Variants in SULT1B1 observed in about 807,000 individuals in gnomAD.
SULT1B1 encodes the protein sulfotransferase family 1B member 1.
SULT1B1 carries 28 observed loss-of-function variants against 34.6 expected under a neutral mutation model. The observed-to-expected ratio is 0.81, with a 90% CI of 0.60 to 1.11. SULT1B1 has a LOEUF of 1.11. Among genes scored for constraint, SULT1B1 ranks in the 50% least tolerant of loss-of-function variants. SULT1B1 has a pLI of 0.00. For synonymous variants in SULT1B1, 147 were observed against 110.2 expected (o/e 1.33, Z -2.09); for missense variants, 374 against 352.2 (o/e 1.06, Z -0.50).
intron 4 of SULT1B1, among the ~76,000 whole-genome samples, chr4:69,742,943 G>A (rs1718607831): frequency 6.6e-6 from 1 of 152,228 alleles, no homozygotes; most frequent in African/African-American, 2.4e-5. Context: ...AACTTCCACA[G>A]CTGATACCGA....
chr4:69,749,889 C>T (rs887055852), intron 3 of SULT1B1, 71 bp from the exon 4 acceptor site: 1 of 1,178,904 alleles, frequency 8.5e-7, no homozygotes, highest in Non-Finnish European at 1.3e-6. Flanking sequence ...ATTTTGCCAA[C>T]CAGTTTTTCA....
intron 4 of SULT1B1, among the ~76,000 whole-genome samples, chr4:69,741,747 G>C (rs950995296): frequency 4.6e-5 from 7 of 152,178 alleles, no homozygotes; most frequent in Non-Finnish European, 8.8e-5. Context: ...CTGAAAGTTT[G>C]CTGAAGTTGC....
intron 7 of SULT1B1, among the ~76,000 whole-genome samples, chr4:69,730,206 G>C (rs1267984060): frequency 6.6e-6 from 1 of 152,138 alleles, no homozygotes; most frequent in African/African-American, 2.4e-5. Flanking sequence ...AGATTGAAGG[G>C]AGTAAGAATG....
intron 6 of SULT1B1, 102 bp downstream of exon 6, chr4:69,733,311 C>A: frequency 1.4e-6 from 1 of 700,818 alleles, no homozygotes; most frequent in South Asian, 2.9e-5. Context: ...GCAAAGCAAT[C>A]ATCATTTTGG....
intron 4 of SULT1B1, among the ~76,000 whole-genome samples, chr4:69,748,769 G>A (rs1267007466): frequency 2.0e-5 from 3 of 152,094 alleles, no homozygotes; most frequent in Non-Finnish European, 4.4e-5. Context: ...TGCAGTAAAT[G>A]AGGAAATTTC....
intron 7 of SULT1B1, among the ~76,000 whole-genome samples, chr4:69,728,504 T>C (rs1287313198): frequency 2.0e-5 from 3 of 152,100 alleles, no homozygotes; most frequent in Non-Finnish European, 4.4e-5. Context: ...TGTGAGCTTC[T>C]TGAGTCAAAG....
Position 69,733,432 on chromosome 4 carries a change from T to C in SULT1B1, c.578A>G (p.Tyr193Cys), listed in dbSNP as rs1381988717. 6.2e-7 allele frequency: 1 copy of C among 1,606,942 alleles called. No individual in the cohort carries two copies. The highest frequency in any genetic ancestry group is 1.1e-5 in the South Asian group (1 of 89,866). The change falls in exon 6 of 8, where the codon TAC (tyrosine) becomes TGC (cysteine). Residue 193 changes from tyrosine (Y) to cysteine (C), a missense_variant. Coordinates refer to ENST00000310613, the MANE Select transcript of SULT1B1 (RefSeq NM_014465.4). The stretch of plus-strand genomic sequence containing the variant: ...TTTTACCTCTTTCATATCTTCATAG[T>C]ACAAAAAAAGTATTGGGTGTTCTTC... ...KKEEHPILFL[Y>C]YEDMKENPKE...
rs1717937523 is a variant in SULT1B1, at chr4:69,728,689, A to G, written c.779-1489T>C. ...GGAAGGAAGGAAGGAAGGTCAAACT[A>G]TTTAGACTAATAATGCTTTTTACTT... On this transcript the variant is annotated intron_variant, in intron 7 of 7. Coordinates refer to ENST00000310613, the MANE Select transcript of SULT1B1 (RefSeq NM_014465.4). Among the ~76,000 whole-genome samples, 4 of 151,956 alleles carry G rather than the reference A, an allele frequency of 2.6e-5. No homozygotes were observed. The South Asian group carries it at 8.3e-4, about 31-fold the overall frequency.
chr4:69,739,619 G>T (rs1372823176), intron 4 of SULT1B1, among the ~76,000 whole-genome samples: 1 of 152,186 alleles, frequency 6.6e-6, no homozygotes, highest in Non-Finnish European at 1.5e-5. Flanking sequence ...TACTGCAAAG[G>T]TCTCTGACAT....
chr4:69,726,974 G>A lies in SULT1B1; in HGVS notation c.*114C>T. The A allele has an allele frequency of 4.7e-6, 3 of 633,670 alleles. No homozygotes were observed. The highest frequency in any genetic ancestry group is 3.0e-5 in the South Asian group (1 of 33,678). The allele number at this position is 633,670 out of a possible 1,614,324, so 39.3% of individuals were successfully genotyped here. A position where few individuals can be genotyped will look rare whatever the true frequency, so the allele number is the denominator to read the frequency against. The stretch of plus-strand genomic sequence containing the variant: ...ATTGAAAAGAATCAACATATTAAAA[G>A]CATATTATTCTCCTTTATAAATTCA... On this transcript the variant is annotated 3_prime_UTR_variant, in exon 8 of 8. Coordinates refer to ENST00000310613, the MANE Select transcript of SULT1B1 (RefSeq NM_014465.4).
rs758123563 is a variant in SULT1B1, at chr4:69,727,146, T to A, written c.833A>T (p.Asp278Val). 4 of 1,611,848 alleles carry A rather than the reference T, an allele frequency of 2.5e-6. No homozygotes were observed. The Admixed American group carries it at 6.7e-5, about 27-fold the overall frequency. Residue 278 changes from aspartate (D) to valine (V), a missense_variant, in exon 8 of 8, where the codon GAT becomes GTT. Physicochemically the swap from Asp to Val is radical, Grantham distance 152. Coordinates refer to ENST00000310613, the MANE Select transcript of SULT1B1 (RefSeq NM_014465.4). ...YFTVAQNEKF[D>V]AIYETEMSKT... ...GGACATTTCTGTCTCATAAATAGCA[T>A]CAAATTTCTCATTTTGGGCCACGGT...
intron 4 of SULT1B1, 132 bp downstream of exon 4, chr4:69,749,589 C>T (rs1578064367): frequency 1.5e-5 from 8 of 532,564 alleles, no homozygotes; most frequent in South Asian, 1.1e-4. Flanking sequence ...TTACGTACAA[C>T]GTGAGTGGGT....
At chr4:69,754,548 T>A in intron 3 of SULT1B1, 122 bp downstream of exon 3, 1 of 938,610 alleles carries the variant, frequency 1.1e-6, no homozygotes, top group East Asian at 2.5e-5. Context: ...TTTATATTGT[T>A]TGCCACCTTC....
chr4:69,739,172 G>A (rs1444573917), intron 4 of SULT1B1, among the ~76,000 whole-genome samples: 1 of 152,184 alleles, frequency 6.6e-6, no homozygotes, highest in Non-Finnish European at 1.5e-5. Flanking sequence ...GGGTCTGGGG[G>A]ATGGTGGCCC....
At chr4:69,752,844 A>G (rs1719029967) in intron 3 of SULT1B1, among the ~76,000 whole-genome samples, 1 of 152,238 alleles carries the variant, frequency 6.6e-6, no homozygotes, top group African/African-American at 2.4e-5. Flanking sequence ...GGATTCCAGC[A>G]GCATTTGAAA....
intron 6 of SULT1B1, 130 bp from the exon 7 acceptor site, chr4:69,730,811 T>G: frequency 1.3e-6 from 1 of 772,638 alleles, no homozygotes; most frequent in Admixed American, 3.1e-5. Flanking sequence ...TGTTTGGGTT[T>G]TTCTCAATTT....
chr4:69,751,698 C>T (rs773139431), intron 3 of SULT1B1, among the ~76,000 whole-genome samples: 3 of 152,138 alleles, frequency 2.0e-5, no homozygotes, highest in Non-Finnish European at 2.9e-5. Context: ...GTGATCCACC[C>T]GCCTCGACCT....
Position 69,725,954 on chromosome 4 carries a change from T to C in SULT1B1, c.*1134A>G. On this transcript the variant is annotated 3_prime_UTR_variant, in exon 8 of 8. Transcript: ENST00000310613. ...AGTTAATGGATGCAGCACACCAACA[T>C]GGCACATGTATGCATATATAACAAA... The C allele has an allele frequency of 6.8e-6, 1 of 146,178 alleles. No homozygotes were observed. The highest frequency in any genetic ancestry group is 1.5e-5 in the Non-Finnish European group (1 of 66,830). The allele number at this position is 146,178 out of a possible 1,614,324, so 9.1% of individuals were successfully genotyped here.
chr4:69,741,642 C>T (rs1237655840), intron 4 of SULT1B1, among the ~76,000 whole-genome samples: 1 of 151,968 alleles, frequency 6.6e-6, no homozygotes, highest in Non-Finnish European at 1.5e-5. Context: ...TTTTTTGTGA[C>T]TATTGTGAAT....
Sources: allele counts gnomAD v4.1 joint callset (sites outside exome capture counted in the v4.1 genomes callset), GRCh38; gene constraint gnomAD v4.1.1; transcripts MANE v1.5; gene names NCBI Gene and HGNC (gene_info 2026-07-23, HGNC 2026-07-21).